Variants in LONP2 observed in about 807,000 individuals in gnomAD.
LONP2 encodes the protein lon protease homolog 2, peroxisomal.
In LONP2, 60 loss-of-function variants were observed where a neutral mutation model predicts 85.6. That is an observed-to-expected ratio of 0.70 (90% CI 0.57 to 0.87). The LOEUF (loss-of-function observed/expected upper bound fraction) is 0.87. Among genes scored for constraint, LONP2 ranks in the 40% least tolerant of loss-of-function variants. The probability of loss-of-function intolerance (pLI) is 0.00; values close to 1 mark genes in which losing one functional copy is unlikely to be tolerated. For synonymous variants in LONP2, 395 were observed against 389.7 expected, an observed-to-expected ratio of 1.01 and a Z score of -0.16; for missense variants, 860 against 1,063.5, an observed-to-expected ratio of 0.81 and a Z score of 2.66.
intron 14 of LONP2, among the ~76,000 whole-genome samples, chr16:48,349,199 CTACAA>C (rs1567355021): frequency 7.7e-6 from 1 of 130,490 alleles, no homozygotes; most frequent in Non-Finnish European, 1.6e-5. Flanking sequence ...ACAGACTAGA[CTACAA>C]TTTTAGTCCA....
At chr16:48,327,112 G>A (rs1959260092) in intron 11 of LONP2, among the ~76,000 whole-genome samples, 1 of 152,208 alleles carries the variant, frequency 6.6e-6, no homozygotes, top group Admixed American at 6.5e-5. Context: ...TGAGTGCATT[G>A]CTGGTTCTGC....
intron 11 of LONP2, among the ~76,000 whole-genome samples, chr16:48,312,346 G>C (rs1163370967): frequency 6.6e-6 from 1 of 151,948 alleles, no homozygotes; most frequent in African/African-American, 2.4e-5. Context: ...TGTTTCTCTG[G>C]GGGTGTCATA....
At chr16:48,283,290 A>T (rs1972368878) in intron 8 of LONP2, among the ~76,000 whole-genome samples, 1 of 152,208 alleles carries the variant, frequency 6.6e-6, no homozygotes, top group South Asian at 2.1e-4. Context: ...ATCATTGATA[A>T]AGGTGGCTAC....
chr16:48,357,643 A>G (rs1280379097), downstream of LONP2, among the ~76,000 whole-genome samples: 2 of 152,186 alleles, frequency 1.3e-5, no homozygotes, highest in Non-Finnish European at 2.9e-5. Flanking sequence ...CTTAATTTGG[A>G]TTACTTACCA....
chr16:48,258,655 TGACTATACCAC>T lies in LONP2; in HGVS notation c.639_649del (p.Met213IlefsTer7), dbSNP rs775288148. The T allele has an allele frequency of 6.2e-7, 1 of 1,608,974 alleles. No homozygotes were observed. Among genetic ancestry groups the T allele is most frequent in the African/African-American group, 1.3e-5 (1 of 74,648 alleles). ...GTGAGCCTAGAGGAGCGGTTCAAGA[TGACTATACCAC>T]TGCTTGTCAGACAAATTGAAGGCCT... On this transcript the variant is annotated frameshift_variant, in exon 4 of 15. Coordinates refer to ENST00000285737, the MANE Select transcript of LONP2 (RefSeq NM_031490.5). LOFTEE classifies it high-confidence loss of function.
chr16:48,359,244 A>C (rs1453797429), downstream of LONP2, among the ~76,000 whole-genome samples: 1 of 152,186 alleles, frequency 6.6e-6, no homozygotes. Flanking sequence ...GATTACAGGT[A>C]TGAGCCACAG....
intron 8 of LONP2, among the ~76,000 whole-genome samples, chr16:48,283,850 C>T (rs549054214): frequency 1.8e-3 from 273 of 152,206 alleles, no homozygotes; most frequent in Non-Finnish European, 3.3e-3. Context: ...GATTATGATT[C>T]GTCCCATGCA....
At chr16:48,251,138 C>T (rs1971636482) in intron 1 of LONP2, among the ~76,000 whole-genome samples, 1 of 152,198 alleles carries the variant, frequency 6.6e-6, no homozygotes, top group African/African-American at 2.4e-5. Flanking sequence ...CAAGTTCACT[C>T]ACATAGTCAC....
At chr16:48,269,792 G>C (rs538181700) in intron 6 of LONP2, among the ~76,000 whole-genome samples, 26 of 152,180 alleles carry the variant, frequency 1.7e-4, no homozygotes, top group Non-Finnish European at 3.1e-4. Flanking sequence ...TATGAACATT[G>C]AGTTTTTAAT....
At chr16:48,251,987 C>T in intron 1 of LONP2, 144 bp from the exon 2 acceptor site, 1 of 543,520 alleles carries the variant, frequency 1.8e-6, no homozygotes, top group South Asian at 4.9e-5. Context: ...ATACTGGATG[C>T]TAAGTTAAAT....
At chr16:48,311,440 T>A (rs1387825361) in intron 11 of LONP2, among the ~76,000 whole-genome samples, 1 of 151,638 alleles carries the variant, frequency 6.6e-6, no homozygotes, top group African/African-American at 2.4e-5. Flanking sequence ...CTTGGTCTAG[T>A]CTGTTGTTGA....
chr16:48,263,735 T>C (rs1272533612), intron 6 of LONP2, among the ~76,000 whole-genome samples: 1 of 152,256 alleles, frequency 6.6e-6, no homozygotes, highest in African/African-American at 2.4e-5. Flanking sequence ...GTGGCATTGC[T>C]GGATCATATG....
rs1214377979 is a variant in LONP2, at chr16:48,356,803, G to A, written c.*5001G>A. 1 of 264,296 alleles carries A rather than the reference G, an allele frequency of 3.8e-6. No individual in the cohort carries two copies. The highest frequency in any genetic ancestry group is 2.2e-5 in the African/African-American group (1 of 44,526). 16.4% of individuals were successfully genotyped at this position (264,296 alleles called of 1,614,324 possible). On this transcript the variant is annotated 3_prime_UTR_variant, in exon 15 of 15. Transcript: ENST00000285737. ...TTTGTCATGAAAATTCATTTCTTTG[G>A]AAATACTGTAGTTTGTACTTAATGA...
intron 8 of LONP2, among the ~76,000 whole-genome samples, chr16:48,292,251 A>ATT (rs1249607095): frequency 6.6e-6 from 1 of 152,226 alleles, no homozygotes; most frequent in African/African-American, 2.4e-5. Flanking sequence ...GTATGTGTAA[A>ATT]GAATAAGCTA....
chr16:48,247,147 T>G (rs552611820), intron 1 of LONP2, among the ~76,000 whole-genome samples: 2 of 152,426 alleles, frequency 1.3e-5, no homozygotes, highest in South Asian at 4.1e-4. Flanking sequence ...GTGGAAAGAT[T>G]GTACCATATT....
chr16:48,311,295 G>A (rs2151007719), intron 11 of LONP2, among the ~76,000 whole-genome samples: 1 of 151,446 alleles, frequency 6.6e-6, no homozygotes, highest in South Asian at 2.1e-4. Context: ...ATGATTCATA[G>A]GTTCCAATGT....
At chr16:48,332,741 T>C (rs533774633) in intron 11 of LONP2, among the ~76,000 whole-genome samples, 1 of 150,560 alleles carries the variant, frequency 6.6e-6, no homozygotes, top group African/African-American at 2.4e-5. Context: ...TATATACACA[T>C]ACACACACAC....
chr16:48,248,065 A>C (rs1971504058), intron 1 of LONP2, among the ~76,000 whole-genome samples: 1 of 152,146 alleles, frequency 6.6e-6, no homozygotes, highest in African/African-American at 2.4e-5. Context: ...TTTAAATTTA[A>C]ATTTATTTCT....
At chr16:48,319,300 G>A (rs1284126529) in intron 11 of LONP2, among the ~76,000 whole-genome samples, 2 of 152,002 alleles carry the variant, frequency 1.3e-5, no homozygotes, top group African/African-American at 2.4e-5. Context: ...AGAATCACTT[G>A]AGCCCAAGAG....
Sources: allele counts gnomAD v4.1 joint callset (sites outside exome capture counted in the v4.1 genomes callset), GRCh38; gene constraint gnomAD v4.1.1; transcripts MANE v1.5; gene names NCBI Gene and HGNC (gene_info 2026-07-23, HGNC 2026-07-21).